The following CFAP161 variants were observed in gnomAD, a reference collection of about 807,000 sequenced individuals.
CFAP161 encodes cilia- and flagella-associated protein 161.
Under a neutral mutation model 29.0 loss-of-function variants are expected in CFAP161, and 25 were observed. The observed-to-expected ratio is 0.86, with a 90% CI of 0.63 to 1.20. CFAP161 has a LOEUF of 1.20. Among genes scored for constraint, CFAP161 ranks in the 50% most tolerant of loss-of-function variants. The pLI is 0.00. For missense variants in CFAP161, 367 were observed against 371.9 expected, an observed-to-expected ratio of 0.99 and a Z score of 0.11; for synonymous variants, 116 against 137.4, an observed-to-expected ratio of 0.84 and a Z score of 1.09.
At chr15:81,115,962 C>A (rs1416526648) in intron 1 of CFAP161, among the ~76,000 whole-genome samples, 1 of 151,008 alleles carries the variant, frequency 6.6e-6, no homozygotes, top group East Asian at 1.9e-4. Context: ...GGCTTAAAGA[C>A]AATTAATTGA....
intron 1 of CFAP161, chr15:81,117,953 A>G: frequency 2.2e-6 from 1 of 463,390 alleles, no homozygotes; most frequent in Non-Finnish European, 4.1e-6. Flanking sequence ...TCTGGGTCAT[A>G]GGTATCCAAG....
chr15:81,148,073 A>G (rs1895040405), intron 6 of CFAP161, 142 bp downstream of exon 6: 4 of 737,308 alleles, frequency 5.4e-6, no homozygotes, highest in Non-Finnish European at 6.5e-6. Context: ...TAGAACTTCA[A>G]TGGTGTGAAA....
chr15:81,137,903 A>C, intron 3 of CFAP161, 148 bp from the exon 4 acceptor site: 1 of 606,536 alleles, frequency 1.6e-6, no homozygotes, highest in Non-Finnish European at 2.8e-6. Context: ...AACACCTTTT[A>C]TTTAATTACC....
intron 1 of CFAP161, among the ~76,000 whole-genome samples, chr15:81,103,350 G>A (rs1335878287): frequency 6.6e-6 from 1 of 152,074 alleles, no homozygotes; most frequent in Non-Finnish European, 1.5e-5. Context: ...CCTTTCACTT[G>A]CCCCAAGGCA....
intron 4 of CFAP161, among the ~76,000 whole-genome samples, chr15:81,141,681 T>C (rs1206548284): frequency 6.6e-6 from 1 of 151,558 alleles, no homozygotes; most frequent in Non-Finnish European, 1.5e-5. Flanking sequence ...AGACAGATAG[T>C]ATTTGCCTTT....
Position 81,148,506 on chromosome 15 carries a change from G to T in CFAP161, c.879G>T (p.Glu293Asp). 6.2e-7 allele frequency: 1 copy of T among 1,614,160 alleles called. No individual in the cohort carries two copies. Among genetic ancestry groups the T allele is most frequent in the Non-Finnish European group, 8.5e-7 (1 of 1,179,988 alleles). ...KPPTEDTRAM[E>D]QAMGLDTQ ...CCACAGAGGACACTCGAGCCATGGA[G>T]CAGGCCATGGGCCTTGACACGCAGT... Residue 293 changes from glutamate to aspartate, a missense_variant, in exon 7 of 7, where the codon GAG becomes GAT. Transcript: ENST00000286732.
chr15:81,115,987 T>G (rs778733192), intron 1 of CFAP161, among the ~76,000 whole-genome samples: 101 of 152,016 alleles, frequency 6.6e-4, no homozygotes, highest in Non-Finnish European at 1.3e-3. Context: ...ATCAAATGAC[T>G]ATAGGGAATA....
intron 1 of CFAP161, among the ~76,000 whole-genome samples, chr15:81,107,021 A>G (rs924703901): frequency 2.0e-5 from 3 of 152,180 alleles, no homozygotes; most frequent in Non-Finnish European, 4.4e-5. Context: ...AGCTGTGATC[A>G]CACTATGACA....
intron 1 of CFAP161, 128 bp downstream of exon 1, chr15:81,134,526 A>C: frequency 2.2e-6 from 2 of 908,180 alleles, no homozygotes; most frequent in Non-Finnish European, 3.3e-6. Context: ...TACCTCTAAA[A>C]TCCCCCACTT....
At chr15:81,106,691 A>G (rs960760638) in intron 1 of CFAP161, among the ~76,000 whole-genome samples, 4 of 152,228 alleles carry the variant, frequency 2.6e-5, no homozygotes, top group African/African-American at 9.6e-5. Flanking sequence ...CAATTATGAA[A>G]TTAAACACGC....
At chr15:81,125,901 G>C (rs113692332) in intron 1 of CFAP161, among the ~76,000 whole-genome samples, 1 of 151,818 alleles carries the variant, frequency 6.6e-6, no homozygotes, top group African/African-American at 2.4e-5. Flanking sequence ...ATGGAGTCTC[G>C]CTCTGTTGCC....
chr15:81,134,377 T>C lies in CFAP161; in HGVS notation c.48T>C (p.Asn16=), dbSNP rs1894771955. 6.3e-7 allele frequency: 1 copy of C among 1,589,358 alleles called. No individual in the cohort carries two copies. The highest frequency in any genetic ancestry group is 1.3e-5 in the African/African-American group (1 of 74,808). Residue 16 remains asparagine (N), a synonymous_variant, in exon 1 of 7, where the codon AAT becomes AAC. Transcript: ENST00000286732. ...CGGGAGTCCGGATAGGCAACTGGAA[T>C]GAGGATGTCTACCTGGAGGAGGTAC... ...YGPGVRIGNW[N]EDVYLEEELM...
intron 1 of CFAP161, among the ~76,000 whole-genome samples, chr15:81,105,358 CTTCTTTTCCTCCT>C: frequency 9.4e-5 from 2 of 21,236 alleles, no homozygotes; most frequent in African/African-American, 2.0e-4. Flanking sequence ...TCCCTCCTTC[CTTCTTTTCCTCCT>C]TCCCTCCTTC....
rs144456995 is a variant in CFAP161 at position 81,128,956 on chromosome 15, GAA to G, written c.-7+1245_-7+1246del. On this transcript the variant is annotated intron_variant, in intron 2 of 4. Coordinates refer to the CFAP161 transcript ENST00000560091. ...ACAACACAGCAGGACTCTGTCTCGA[GAA>G]AAAAAAAAAAAAGCATTTCTTAAAT... is the stretch of plus-strand genomic sequence containing the variant. Among the ~76,000 whole-genome samples, 453 of 137,622 alleles carry G rather than the reference GAA, an allele frequency of 3.3e-3. 2 individuals are homozygous for G. The highest frequency in any genetic ancestry group is 9.7e-3 in the African/African-American group (351 of 36,134). 90.3% of individuals were successfully genotyped at this position (137,622 alleles called of 152,430 possible).
In CFAP161 at chr15:81,106,656, A is replaced by G. The variant is rs189333729; in HGVS notation, c.-141-20934A>G. 1.5e-3 allele frequency among the ~76,000 whole-genome samples: 232 copies of G among 152,362 alleles called. 1 individual carries two copies. The highest frequency in any genetic ancestry group is 5.1e-3 in the African/African-American group (210 of 41,580). On this transcript the variant is annotated intron_variant, in intron 1 of 4. Transcript: ENST00000560091. Reference sequence around the variant, plus strand: ...CACAAATCAGAAGCTGTACCCACGAATTGCCACATGAGGGCACACTTGCCC... The same window carrying G: ...CACAAATCAGAAGCTGTACCCACGAGTTGCCACATGAGGGCACACTTGCCC...
At chr15:81,145,091 T>C (rs978896001) in intron 5 of CFAP161, among the ~76,000 whole-genome samples, 3 of 152,150 alleles carry the variant, frequency 2.0e-5, no homozygotes, top group Non-Finnish European at 4.4e-5. Flanking sequence ...GACTATGGAA[T>C]TAGTAGCAAG....
chr15:81,136,755 A>C lies in CFAP161; in HGVS notation c.392+7A>C. 1.9e-6 allele frequency: 3 copies of C among 1,602,454 alleles called. No individual in the cohort carries two copies. Among genetic ancestry groups the C allele is most frequent in the Non-Finnish European group, 2.6e-6 (3 of 1,169,936 alleles). On this transcript the variant is annotated splice_region_variant and intron_variant, in intron 3 of 6. Coordinates refer to ENST00000286732, the MANE Select transcript of CFAP161 (RefSeq NM_173528.4). The stretch of plus-strand genomic sequence containing the variant: ...ACACTTTTATCATTTTGAGGTAAAG[A>C]GACTTTAATTTTCAGTTCATTTTCA...
intron 1 of CFAP161, among the ~76,000 whole-genome samples, chr15:81,123,237 A>T (rs1894598330): frequency 6.6e-6 from 1 of 152,240 alleles, no homozygotes; most frequent in Non-Finnish European, 1.5e-5. Flanking sequence ...GAAGGGGTCC[A>T]GTTTTAATCT....
At chr15:81,147,374 G>T (rs1895026956) in intron 5 of CFAP161, among the ~76,000 whole-genome samples, 1 of 151,950 alleles carries the variant, frequency 6.6e-6, no homozygotes, top group Admixed American at 6.6e-5. Context: ...TTTTCCTGTT[G>T]GCCTGTGTTC....
Sources: gnomAD v4.1 joint callset for allele counts (sites outside exome capture counted in the v4.1 genomes callset) on GRCh38, gnomAD v4.1.1 for gene constraint, MANE v1.5 for transcripts, NCBI Gene and HGNC (gene_info 2026-07-23, HGNC 2026-07-21) for gene names.